The following SSC5D variants were observed in gnomAD, a reference collection of about 807,000 sequenced individuals.
SSC5D encodes scavenger receptor cysteine rich family member with 5 domains, also known as soluble scavenger receptor cysteine-rich domain-containing protein SSC5D.
A neutral mutation model predicts 104.6 loss-of-function variants in SSC5D; 106 were observed. The ratio of observed to expected loss-of-function variants is 1.01; its 90% confidence interval spans 0.87 to 1.19. The LOEUF (loss-of-function observed/expected upper bound fraction) is 1.19. SSC5D is among the 50% of genes most tolerant of loss of function. SSC5D has a pLI of 0.00. For missense variants in SSC5D, 1,993 were observed against 2,153.8 expected, an observed-to-expected ratio of 0.93 and a Z score of 1.48; for synonymous variants, 860 against 883.5, an observed-to-expected ratio of 0.97 and a Z score of 0.47.
intron 7 of SSC5D, 85 bp downstream of exon 7, chr19:55,493,997 C>T (rs1202512712): frequency 1.2e-6 from 1 of 816,104 alleles, no homozygotes; most frequent in Non-Finnish European, 1.8e-6. Flanking sequence ...CGGGGGGGTC[C>T]CTACGCGCCC....
intron 8 of SSC5D, among the ~76,000 whole-genome samples, chr19:55,497,089 C>T (rs868019478): frequency 2.0e-4 from 31 of 152,350 alleles, no homozygotes; most frequent in Middle Eastern, 6.8e-3. Context: ...AAAGGACTTC[C>T]TCTGAGAAGC....
chr19:55,499,501 G>A (rs1244196191), intron 9 of SSC5D, among the ~76,000 whole-genome samples: 4 of 152,108 alleles, frequency 2.6e-5, no homozygotes, highest in Non-Finnish European at 5.9e-5. Context: ...AGGAAATGAG[G>A]CCCTGACTCA....
At chr19:55,512,914 T>C (rs1465345848) in intron 12 of SSC5D, 97 bp from the exon 13 acceptor site, 5 of 1,441,472 alleles carry the variant, frequency 3.5e-6, no homozygotes, top group Non-Finnish European at 3.8e-6. Flanking sequence ...TGAGACGGGA[T>C]GATGCCTGAA....
chr19:55,517,345 C>T lies in SSC5D; in HGVS notation c.3069C>T (p.Thr1023=), dbSNP rs1433079070. 7 of 1,550,410 alleles carry T rather than the reference C, an allele frequency of 4.5e-6. No homozygotes were observed. Among genetic ancestry groups the T allele is most frequent in the South Asian group, 1.2e-5 (1 of 84,058 alleles). Residue 1023 remains threonine, a synonymous_variant, in exon 14 of 14, where the codon ACC becomes ACT. Coordinates refer to ENST00000389623, the MANE Select transcript of SSC5D (RefSeq NM_001144950.2). ...CGGGACCCCCAGGCCCAGCGCTGACCTCTGACTCCAGTCGAGAGCTCACTC... is the reference window on the plus strand; with the variant it reads ...CGGGACCCCCAGGCCCAGCGCTGACTTCTGACTCCAGTCGAGAGCTCACTC... ...ASPGPPGPAL[T]SDSSRELTPH...
intron 6 of SSC5D, 92 bp downstream of exon 6, chr19:55,491,172 G>T (rs2123429419): frequency 1.4e-6 from 2 of 1,402,472 alleles, no homozygotes; most frequent in East Asian, 2.5e-5. Context: ...CCTGCTCCCA[G>T]CTCTGCCTCC....
chr19:55,514,758 T>A (rs1274459385), intron 13 of SSC5D, among the ~76,000 whole-genome samples: 2 of 152,110 alleles, frequency 1.3e-5, no homozygotes, highest in African/African-American at 4.8e-5. Context: ...CAATAATTAT[T>A]AGAGTGCTTA....
chr19:55,493,967 AGGGGCAAGTTCGGCGGGGGCGGGGGGGT>A, intron 7 of SSC5D, 55 bp downstream of exon 7: 1 of 191,532 alleles, frequency 5.2e-6, no homozygotes, highest in Non-Finnish European at 8.2e-6. Flanking sequence ...CTTGGAGCGG[AGGGGCAAGTTCGGCGGGGGCGGGGGGGT>A]CCCTACGCGC....
intron 7 of SSC5D, 132 bp downstream of exon 7, chr19:55,494,044 T>G: frequency 3.4e-6 from 3 of 888,550 alleles, no homozygotes; most frequent in Non-Finnish European, 5.0e-6. Flanking sequence ...CTCCCCCATC[T>G]TATTCCCCTC....
At chr19:55,497,354 T>C (rs1987351169) in intron 8 of SSC5D, among the ~76,000 whole-genome samples, 1 of 152,200 alleles carries the variant, frequency 6.6e-6, no homozygotes, top group South Asian at 2.1e-4. Flanking sequence ...AAAAAACCCT[T>C]ATTAAACCAA....
rs868677503 is a variant in SSC5D at position 55,503,664 on chromosome 19, T to C, written c.2785+2463T>C. On this transcript the variant is annotated intron_variant, in intron 12 of 13. Transcript: ENST00000389623. This position sits in a 1 kb window ranked among gnomAD's most constrained non-coding sequence, Gnocchi z 4.0. ...GCCCGTCGCAGTCGCTGTTTCTCCG[T>C]CTTCTCCCTCCCTTCCACTCTCCCG... 2.3e-4 allele frequency among the ~76,000 whole-genome samples: 35 copies of C among 152,270 alleles called. No homozygotes were observed. Among genetic ancestry groups the C allele is most frequent in the Non-Finnish European group, 2.8e-4 (19 of 68,020 alleles).
intron 7 of SSC5D, 66 bp downstream of exon 7, chr19:55,493,978 C>CGGG: frequency 4.1e-5 from 2 of 48,802 alleles, no homozygotes; most frequent in South Asian, 4.2e-4. Context: ...GGGGCAAGTT[C>CGGG]GGCGGGGGCG....
intron 12 of SSC5D, chr19:55,504,201 T>C: frequency 1.3e-6 from 2 of 1,532,844 alleles, no homozygotes; most frequent in African/African-American, 1.4e-5. Context: ...TAGCGCCCCC[T>C]CGTGGTGGAG....
chr19:55,517,307 C>CCT lies in SSC5D; in HGVS notation c.3032_3033insTC (p.Ser1012ProfsTer12). ...AGCGCCCCCAACCCCGTCCCCAGGT[C>CCT]CCTCCGCCTCTCCGGGACCCCCAGG... On this transcript the variant is annotated frameshift_variant, in exon 14 of 14. Coordinates refer to ENST00000389623, the MANE Select transcript of SSC5D (RefSeq NM_001144950.2). LOFTEE classifies it low-confidence loss of function (END_TRUNC). 1 of 1,549,460 alleles carries CCT rather than the reference C, an allele frequency of 6.5e-7. No homozygotes were observed. Among genetic ancestry groups the CCT allele is most frequent in the South Asian group, 1.2e-5 (1 of 84,046 alleles).
intron 12 of SSC5D, among the ~76,000 whole-genome samples, chr19:55,512,474 T>C (rs1987780281): frequency 8.1e-6 from 1 of 123,396 alleles, no homozygotes; most frequent in Non-Finnish European, 1.6e-5. Context: ...GGAATTAAAA[T>C]AATAAATTCC....
At chr19:55,494,922 G>A (rs1599916331) in intron 8 of SSC5D, 139 bp downstream of exon 8, 2 of 1,025,782 alleles carry the variant, frequency 1.9e-6, no homozygotes, top group African/African-American at 1.6e-5. Flanking sequence ...CCAGGACACT[G>A]AGCTGGGTTC....
chr19:55,490,117 A>G (rs1316737672), intron 4 of SSC5D, 122 bp downstream of exon 4: 2 of 612,050 alleles, frequency 3.3e-6, no homozygotes, highest in Admixed American at 2.9e-5. Flanking sequence ...CCGAGGGGAG[A>G]GGGACCTCTG....
Position 55,495,231 on chromosome 19 carries a change from A to T in SSC5D, c.1387+448A>T, listed in dbSNP as rs867026573. Among the ~76,000 whole-genome samples, 29 of 25,962 alleles carry T rather than the reference A, an allele frequency of 1.1e-3. 2 individuals are homozygous for T. Among genetic ancestry groups the T allele is most frequent in the Non-Finnish European group, 1.7e-3 (24 of 13,826 alleles). The allele number at this position is 25,962 out of a possible 152,430, so 17.0% of individuals were successfully genotyped here. A position where few individuals can be genotyped will look rare whatever the true frequency, so the allele number is the denominator to read the frequency against. On this transcript the variant is annotated intron_variant, in intron 8 of 13. Transcript: ENST00000389623. ...TGCCTCCTTTCATATATATATATAT[A>T]TATTTTTTTTTTTTTTTTTTTTTTT...
At position 55,488,625 on chromosome 19, in the gene SSC5D, C is replaced by T. The variant is rs530955835; in HGVS notation, c.25+11C>T. On this transcript the variant is annotated intron_variant, in intron 1 of 13. Coordinates refer to ENST00000389623, the MANE Select transcript of SSC5D (RefSeq NM_001144950.2). ...TGGCCTGCCTCCTTGGTGAGTGATC[C>T]ATTCTCCTTGGGGACTCGGGGGGCC... 6.6e-5 allele frequency: 102 copies of T among 1,549,972 alleles called. 2 individuals carry two copies. In the South Asian group the frequency reaches 9.2e-4, roughly 14 times the overall value.
At chr19:55,510,350 A>G (rs557025181) in intron 12 of SSC5D, among the ~76,000 whole-genome samples, 2 of 150,428 alleles carry the variant, frequency 1.3e-5, no homozygotes, top group South Asian at 2.1e-4. Flanking sequence ...TTGAAAATAC[A>G]TCTTTTTGGT....
Sources: gnomAD v4.1 joint callset for allele counts (sites outside exome capture counted in the v4.1 genomes callset) on GRCh38, gnomAD v4.1.1 for gene constraint, Gnocchi (gnomAD v3.1) non-coding constraint, MANE v1.5 for transcripts, NCBI Gene and HGNC (gene_info 2026-07-23, HGNC 2026-07-21) for gene names.